Variants in FRAS1 observed in about 807,000 individuals in gnomAD.
FRAS1 encodes the protein extracellular matrix organizing protein FRAS1.
FRAS1 carries 290 observed loss-of-function variants against 435.2 expected under a neutral mutation model. The observed-to-expected ratio is 0.67, with a 90% CI of 0.61 to 0.73. The LOEUF is 0.73. FRAS1 is among the 30% of genes least tolerant of loss of function. The probability of loss-of-function intolerance (pLI) is 0.00; values close to 1 mark genes in which losing one functional copy is unlikely to be tolerated. For missense variants in FRAS1, 4,860 were observed against 5,001.5 expected (o/e 0.97, Z 0.85); for synonymous variants, 1,800 against 1,851.0 (o/e 0.97, Z 0.71).
At chr4:78,241,391 C>T (rs753097881) in intron 3 of FRAS1, among the ~76,000 whole-genome samples, 7 of 152,256 alleles carry the variant, frequency 4.6e-5, no homozygotes, top group East Asian at 1.9e-4. Flanking sequence ...CAGCATAGTA[C>T]GCAGCACACA....
intron 9 of FRAS1, among the ~76,000 whole-genome samples, chr4:78,273,697 G>A (rs1578220469): frequency 1.3e-5 from 2 of 152,306 alleles, no homozygotes; most frequent in East Asian, 3.9e-4. Context: ...TTTTTGATGT[G>A]CTGCTGGATT....
At chr4:78,139,833 T>C (rs1720084765) in intron 2 of FRAS1, among the ~76,000 whole-genome samples, 1 of 152,230 alleles carries the variant, frequency 6.6e-6, no homozygotes, top group African/African-American at 2.4e-5. Context: ...TCAGAAGTTA[T>C]TACTTAAATT....
intron 2 of FRAS1, among the ~76,000 whole-genome samples, chr4:78,090,382 C>A (rs1741453306): frequency 6.6e-6 from 1 of 152,126 alleles, no homozygotes; most frequent in South Asian, 2.1e-4. Context: ...GTATTCAAGA[C>A]TATTAGGAAG....
At chr4:78,506,219 A>G (rs1309894759) in intron 61 of FRAS1, among the ~76,000 whole-genome samples, 1 of 152,232 alleles carries the variant, frequency 6.6e-6, no homozygotes, top group Non-Finnish European at 1.5e-5. Flanking sequence ...GACCCACTTG[A>G]GGAGGCAGTC....
intron 2 of FRAS1, among the ~76,000 whole-genome samples, chr4:78,135,741 G>A (rs1364199347): frequency 2.0e-5 from 3 of 152,064 alleles, no homozygotes; most frequent in Non-Finnish European, 2.9e-5. Context: ...CACATGGTTG[G>A]GCAGATTGTA....
At position 78,515,998 on chromosome 4, in the gene FRAS1, A is replaced by G; in HGVS notation, c.10374A>G (p.Val3458=). 6.2e-7 allele frequency: 1 copy of G among 1,613,296 alleles called. No homozygotes were observed. Among genetic ancestry groups the G allele is most frequent in the Non-Finnish European group, 8.5e-7 (1 of 1,179,508 alleles). ...TELIDVCGGS[V]TADFQVRDSA... ...TGATTGACGTCTGTGGGGGCTCTGTAACCGCTGACTTCCAGGTAGGTGCCC... is the reference window on the plus strand; with the variant it reads ...TGATTGACGTCTGTGGGGGCTCTGTGACCGCTGACTTCCAGGTAGGTGCCC... Residue 3458 remains valine (V), a synonymous_variant, in exon 66 of 74, where the codon GTA becomes GTG. Transcript: ENST00000512123.
At chr4:78,078,882 T>C (rs1476200158) in intron 2 of FRAS1, among the ~76,000 whole-genome samples, 3 of 152,168 alleles carry the variant, frequency 2.0e-5, no homozygotes, top group Non-Finnish European at 4.4e-5. Flanking sequence ...AATTTTAAAT[T>C]ATTAAACCCA....
At chr4:78,155,864 A>G (rs906976320) in intron 2 of FRAS1, among the ~76,000 whole-genome samples, 1 of 152,170 alleles carries the variant, frequency 6.6e-6, no homozygotes, top group Non-Finnish European at 1.5e-5. Context: ...TGAGTGGGCC[A>G]TCAATGGGAT....
intron 70 of FRAS1, among the ~76,000 whole-genome samples, chr4:78,528,975 A>G (rs1578375940): frequency 6.6e-6 from 1 of 152,076 alleles, no homozygotes; most frequent in East Asian, 1.9e-4. Flanking sequence ...GTGGGAGGAA[A>G]AGAAGAGAGG....
chr4:78,511,873 T>A (rs17003294), intron 64 of FRAS1, among the ~76,000 whole-genome samples: 46,867 of 151,996 alleles, frequency 0.31, 7,710 homozygotes, highest in South Asian at 0.52. Flanking sequence ...TGGCATCTCT[T>A]CTAGGGACAT....
At chr4:78,136,790 G>C (rs1339384378) in intron 2 of FRAS1, among the ~76,000 whole-genome samples, 1 of 152,198 alleles carries the variant, frequency 6.6e-6, no homozygotes, top group Admixed American at 6.5e-5. Flanking sequence ...TAGAGCTGCT[G>C]TGCTGACACT....
chr4:78,235,084 T>A (rs1388341187), intron 2 of FRAS1, among the ~76,000 whole-genome samples: 3 of 152,202 alleles, frequency 2.0e-5, no homozygotes, highest in Admixed American at 1.3e-4. Flanking sequence ...TGAGGCTGAA[T>A]TCCCTTTTTT....
intron 2 of FRAS1, among the ~76,000 whole-genome samples, chr4:78,216,193 A>C (rs1399321321): frequency 6.6e-6 from 1 of 152,250 alleles, no homozygotes; most frequent in Admixed American, 6.5e-5. Flanking sequence ...GGGAAACAAA[A>C]AGTTGTTCTT....
At chr4:78,275,143 C>CT (rs1460273001) in intron 9 of FRAS1, among the ~76,000 whole-genome samples, 1 of 151,970 alleles carries the variant, frequency 6.6e-6, no homozygotes, top group Non-Finnish European at 1.5e-5. Flanking sequence ...CAACCTCTGC[C>CT]TTTTTTTGTT....
At position 78,338,994 on chromosome 4, in the gene FRAS1, G is replaced by A. The variant is rs375158123; in HGVS notation, c.2422+1177G>A. On this transcript the variant is annotated intron_variant, in intron 20 of 73. Coordinates refer to ENST00000512123, the MANE Select transcript of FRAS1 (RefSeq NM_025074.7). ...TGCTGGATTCGGAGCGGAAGCCCAA[G>A]TGTAGAGACTGTGCAAGCCTTTTAG... Among the ~76,000 whole-genome samples, 450 of 152,362 alleles carry A rather than the reference G, an allele frequency of 3.0e-3. 1 individual carries two copies. The highest frequency in any genetic ancestry group is 0.011 in the African/African-American group (440 of 41,578).
In FRAS1 at chr4:78,057,757, G is replaced by A. The variant is rs1469814615; in HGVS notation, c.-253G>A. On this transcript the variant is annotated 5_prime_UTR_variant, in exon 1 of 74. Coordinates refer to ENST00000512123, the MANE Select transcript of FRAS1 (RefSeq NM_025074.7). This position sits in a 1 kb window ranked among gnomAD's most constrained non-coding sequence, Gnocchi z 4.2. ...TCTTATTCTCCCAAAGCTCACGTTGGCGTCCTGCCTTGCGGGGGAACTCGG... is the reference window on the plus strand; with the variant it reads ...TCTTATTCTCCCAAAGCTCACGTTGACGTCCTGCCTTGCGGGGGAACTCGG... The A allele has an allele frequency of 5.5e-6, 3 of 545,350 alleles. No homozygotes were observed. The African/African-American group carries it at 5.7e-5, about 10-fold the overall frequency. 33.8% of individuals were successfully genotyped at this position (545,350 alleles called of 1,614,324 possible).
At chr4:78,303,241 T>C (rs569403321) in intron 14 of FRAS1, among the ~76,000 whole-genome samples, 1 of 152,258 alleles carries the variant, frequency 6.6e-6, no homozygotes, top group South Asian at 2.1e-4. Flanking sequence ...ACCAGTACCA[T>C]GCTGTTTTGG....
Position 78,448,321 on chromosome 4 carries a change from C to A in FRAS1, c.6274+5C>A. On this transcript the variant is annotated splice_donor_5th_base_variant and intron_variant, in intron 44 of 73. Transcript: ENST00000512123. ...AAGGCCTACAGCTCTCAGCAGGTAC[C>A]ACAGAAATAAAGGAGAGTGGCCATG... is the stretch of plus-strand genomic sequence containing the variant. 1 of 1,597,154 alleles carries A rather than the reference C, an allele frequency of 6.3e-7. No individual in the cohort carries two copies. Among genetic ancestry groups the A allele is most frequent in the Non-Finnish European group, 8.5e-7 (1 of 1,171,054 alleles).
chr4:78,258,636 TA>T lies in FRAS1; in HGVS notation c.603+3262del, dbSNP rs529703695. On this transcript the variant is annotated intron_variant, in intron 6 of 73. Coordinates refer to ENST00000512123, the MANE Select transcript of FRAS1 (RefSeq NM_025074.7). ...GATGTTTCTTTTCTTTTTTTTTTTTTAGATATTCTTTAAATTTTTATTTTTT... is the reference window on the plus strand; with the variant it reads ...GATGTTTCTTTTCTTTTTTTTTTTTTGATATTCTTTAAATTTTTATTTTTT... Among the ~76,000 whole-genome samples, 786 of 148,068 alleles carry T rather than the reference TA, an allele frequency of 5.3e-3. 9 individuals carry two copies. The highest frequency in any genetic ancestry group is 0.018 in the African/African-American group (738 of 40,720).
Sources: allele counts gnomAD v4.1 joint callset (sites outside exome capture counted in the v4.1 genomes callset), GRCh38; gene constraint gnomAD v4.1.1; non-coding constraint Gnocchi (gnomAD v3.1); transcripts MANE v1.5; gene names NCBI Gene and HGNC (gene_info 2026-07-23, HGNC 2026-07-21).